Variants in SLC6A6 observed in about 807,000 individuals in gnomAD.
SLC6A6 encodes solute carrier family 6 member 6.
In SLC6A6, 16 loss-of-function variants were observed where a neutral mutation model predicts 68.8. The ratio of observed to expected loss-of-function variants is 0.23; its 90% CI spans 0.16 to 0.35. The LOEUF (loss-of-function observed/expected upper bound fraction) is 0.35. Among genes scored for constraint, SLC6A6 ranks in the 10% least tolerant of loss-of-function variants. The pLI, the probability that SLC6A6 is intolerant of heterozygous loss-of-function variation, is 1.00. For synonymous variants in SLC6A6, 312 were observed against 315.4 expected (o/e 0.99, Z 0.12); for missense variants, 474 against 802.8 (o/e 0.59, Z 4.95).
intron 5 of SLC6A6, among the ~76,000 whole-genome samples, chr3:14,456,938 C>T (rs1700381777): frequency 6.6e-6 from 1 of 152,214 alleles, no homozygotes; most frequent in African/African-American, 2.4e-5. Flanking sequence ...GGGCCGATGT[C>T]TCTGTTCTCA....
intron 2 of SLC6A6, among the ~76,000 whole-genome samples, chr3:14,421,521 G>A (rs79738682): frequency 0.018 from 2,760 of 152,306 alleles, 37 homozygotes; most frequent in Middle Eastern, 0.054. Flanking sequence ...AACTGTGAAC[G>A]TTAGCTCAGA....
Position 14,468,030 on chromosome 3 carries a change from G to T in SLC6A6, c.972-58G>T, listed in dbSNP as rs1297861990. On this transcript the variant is annotated intron_variant, in intron 8 of 14. Coordinates refer to ENST00000622186, the MANE Select transcript of SLC6A6 (RefSeq NM_003043.6). This position sits in a 1 kb window ranked among gnomAD's most constrained non-coding sequence, Gnocchi z 4.5. The stretch of plus-strand genomic sequence containing the variant: ...GATGTTTAAAGAAAAAGAGAAGTAG[G>T]GAGCGTGGCTTCCTTGTGTTGTGAA... 3 of 1,612,962 alleles carry T rather than the reference G, an allele frequency of 1.9e-6. No homozygotes were observed. The highest frequency in any genetic ancestry group is 4.5e-5 in the East Asian group (2 of 44,892).
At chr3:14,443,542 G>T in intron 2 of SLC6A6, 82 bp from the exon 3 acceptor site, 1 of 1,015,078 alleles carries the variant, frequency 9.9e-7, no homozygotes. Flanking sequence ...GCCGGCTCGT[G>T]GATGAGGAAG....
Position 14,445,748 on chromosome 3 carries a change from G to A in SLC6A6, c.261G>A (p.Leu87=), listed in dbSNP as rs1700105114. ...GAFLIPYFIF[L]FGSGLPVFFL... ...TTCTCATACCGTATTTTATTTTCCTGTTTGGGAGCGGCCTGCCTGTGTTTT... is the reference window on the plus strand; with the variant it reads ...TTCTCATACCGTATTTTATTTTCCTATTTGGGAGCGGCCTGCCTGTGTTTT... The change falls in exon 4 of 15, where the codon CTG becomes CTA. Residue 87 remains leucine, a synonymous_variant. Transcript: ENST00000622186. 6.2e-7 allele frequency: 1 copy of A among 1,614,090 alleles called. No homozygotes were observed. Among genetic ancestry groups the A allele is most frequent in the African/African-American group, 1.3e-5 (1 of 74,926 alleles).
At chr3:14,447,928 G>A in intron 5 of SLC6A6, 112 bp downstream of exon 5, 1 of 1,508,312 alleles carries the variant, frequency 6.6e-7, no homozygotes, top group Admixed American at 2.1e-5. Flanking sequence ...GGGGGAGTGG[G>A]AGGAGGGTGC....
At chr3:14,479,951 T>C (rs1364742438) in intron 13 of SLC6A6, among the ~76,000 whole-genome samples, 1 of 152,224 alleles carries the variant, frequency 6.6e-6, no homozygotes, top group Non-Finnish European at 1.5e-5. Flanking sequence ...GGAGCACAAA[T>C]GGCCCAATAT....
chr3:14,463,317 A>G (rs530286298), intron 6 of SLC6A6, among the ~76,000 whole-genome samples: 1 of 152,366 alleles, frequency 6.6e-6, no homozygotes, highest in African/African-American at 2.4e-5. Flanking sequence ...TCTGAGGATT[A>G]AATGAGTTAA....
At chr3:14,442,610 C>CT (rs1311877626) in intron 2 of SLC6A6, among the ~76,000 whole-genome samples, 2 of 152,200 alleles carry the variant, frequency 1.3e-5, no homozygotes, top group Non-Finnish European at 2.9e-5. Flanking sequence ...CAGGGTCGAG[C>CT]TGACAGGGTG....
intron 1 of SLC6A6, among the ~76,000 whole-genome samples, chr3:14,403,073 G>GGA (rs1219293172): frequency 7.2e-6 from 1 of 138,720 alleles, no homozygotes; most frequent in East Asian, 2.2e-4. Flanking sequence ...GCGGGCGGCA[G>GGA]GAGAGTGTGT....
chr3:14,456,933 G>A (rs1037860582), intron 5 of SLC6A6, among the ~76,000 whole-genome samples: 20 of 152,228 alleles, frequency 1.3e-4, no homozygotes, highest in Admixed American at 9.2e-4. Flanking sequence ...GGGCAGGGCC[G>A]ATGTCTCTGT....
At chr3:14,457,898 C>G (rs1700405451) in intron 5 of SLC6A6, 52 bp from the exon 6 acceptor site, 5 of 1,601,274 alleles carry the variant, frequency 3.1e-6, no homozygotes, top group Middle Eastern at 2.0e-4. Flanking sequence ...TTGGCTCTCT[C>G]TACTCCAGGG....
chr3:14,469,364 A>G (rs1267487579), intron 9 of SLC6A6, among the ~76,000 whole-genome samples: 1 of 152,168 alleles, frequency 6.6e-6, no homozygotes, highest in South Asian at 2.1e-4. Context: ...AGGGCCAGAC[A>G]CAGCCGGAGG....
intron 5 of SLC6A6, among the ~76,000 whole-genome samples, chr3:14,453,544 A>C (rs1469428658): frequency 6.6e-6 from 1 of 152,220 alleles, no homozygotes; most frequent in African/African-American, 2.4e-5. Flanking sequence ...AATGGGTATA[A>C]TTAATTTACT....
intron 2 of SLC6A6, among the ~76,000 whole-genome samples, chr3:14,429,608 C>T (rs554093399): frequency 2.6e-5 from 4 of 152,210 alleles, no homozygotes; most frequent in Non-Finnish European, 5.9e-5. Context: ...TTATTAGCAC[C>T]GCCATTCCCA....
intron 2 of SLC6A6, among the ~76,000 whole-genome samples, chr3:14,434,773 G>A (rs775084898): frequency 2.0e-5 from 3 of 152,226 alleles, no homozygotes; most frequent in East Asian, 1.9e-4. Flanking sequence ...TCCTGCCACC[G>A]GGAGCCTGCC....
intron 6 of SLC6A6, among the ~76,000 whole-genome samples, chr3:14,461,671 C>T (rs1177688585): frequency 6.6e-6 from 1 of 152,222 alleles, no homozygotes; most frequent in East Asian, 1.9e-4. Context: ...GAGCCAGGTC[C>T]TTTTAGCTCT....
intron 11 of SLC6A6, 45 bp from the exon 12 acceptor site, chr3:14,478,421 G>A: frequency 8.5e-7 from 1 of 1,182,996 alleles, no homozygotes; most frequent in Non-Finnish European, 1.3e-6. Flanking sequence ...AAAGAAATTG[G>A]AGACCAGGTA....
chr3:14,415,616 C>T (rs1370893172), intron 1 of SLC6A6, among the ~76,000 whole-genome samples: 1 of 152,192 alleles, frequency 6.6e-6, no homozygotes, highest in Non-Finnish European at 1.5e-5. Context: ...GGAGAGCCTT[C>T]CAGCCTCAGG....
At chr3:14,466,892 G>C (rs1574957221) in intron 7 of SLC6A6, among the ~76,000 whole-genome samples, 3 of 152,328 alleles carry the variant, frequency 2.0e-5, no homozygotes, top group Admixed American at 2.0e-4. Flanking sequence ...TCTGAGGGTG[G>C]CCACTTAGAG....
Sources: gnomAD v4.1 joint callset for allele counts (sites outside exome capture counted in the v4.1 genomes callset) on GRCh38, gnomAD v4.1.1 for gene constraint, Gnocchi (gnomAD v3.1) non-coding constraint, MANE v1.5 for transcripts, NCBI Gene and HGNC (gene_info 2026-07-23, HGNC 2026-07-21) for gene names.